Variants in IL1RAPL1 observed in about 807,000 individuals in gnomAD.
IL1RAPL1 encodes interleukin-1 receptor accessory protein-like 1.
IL1RAPL1 carries 3 observed loss-of-function variants against 48.4 expected under a neutral mutation model. The observed-to-expected ratio is 0.06, with a 90% CI of 0.03 to 0.16. The LOEUF is 0.16. IL1RAPL1 is among the 10% of genes least tolerant of loss of function. The pLI is 1.00. For missense variants in IL1RAPL1, 349 were observed against 530.6 expected (o/e 0.66, Z 3.36); for synonymous variants, 185 against 187.7 (o/e 0.99, Z 0.12).
intron 3 of IL1RAPL1, among the ~76,000 whole-genome samples, chrX:29,345,409 T>C (rs1430282573): frequency 1.8e-5 from 2 of 112,203 alleles, no homozygotes; most frequent in East Asian, 5.6e-4. Context: ...GTTTTCATAT[T>C]CTTAGTGTCT....
intron 2 of IL1RAPL1, among the ~76,000 whole-genome samples, chrX:29,243,611 C>T (rs954181597): frequency 4.5e-5 from 5 of 112,035 alleles, no homozygotes; most frequent in South Asian, 3.7e-4. Context: ...TGAATGGAAA[C>T]GAAGCTACAC....
chrX:29,900,459 C>T (rs144356584), intron 6 of IL1RAPL1, among the ~76,000 whole-genome samples: 3,831 of 111,765 alleles, frequency 0.034, 153 homozygotes, highest in African/African-American at 0.12. Context: ...TTGAATTGAA[C>T]CTTCCATTTT....
At chrX:28,830,211 G>A (rs1921011604) in intron 2 of IL1RAPL1, among the ~76,000 whole-genome samples, 1 of 111,712 alleles carries the variant, frequency 9.0e-6, no homozygotes. Flanking sequence ...TTGAAAGGTT[G>A]ATGTTAATTC....
Position 29,189,662 on chromosome X carries a change from T to C in IL1RAPL1, c.83-93276T>C, listed in dbSNP as rs937952928. Among the ~76,000 whole-genome samples the C allele has an allele frequency of 3.6e-5, 4 of 111,691 alleles. No homozygotes were observed. The South Asian group carries it at 1.5e-3, about 42-fold the overall frequency. On this transcript the variant is annotated intron_variant, in intron 2 of 10. Transcript: ENST00000378993. ...AGAGGGAAAATATTATATATTTTCC[T>C]ACCCAACTTTTTCCTAAAGCTTAGC... is the stretch of plus-strand genomic sequence containing the variant.
At chrX:29,898,738 G>A (rs1932438113) in intron 6 of IL1RAPL1, among the ~76,000 whole-genome samples, 1 of 111,732 alleles carries the variant, frequency 8.9e-6, no homozygotes, top group Non-Finnish European at 1.9e-5. Context: ...TATATAAAGT[G>A]GTCATTTTCC....
At chrX:29,361,374 A>C (rs1433340112) in intron 3 of IL1RAPL1, among the ~76,000 whole-genome samples, 4 of 111,870 alleles carry the variant, frequency 3.6e-5, no homozygotes, top group Non-Finnish European at 7.5e-5. Context: ...AACCAGAGTA[A>C]AGTTTCCTTA....
intron 2 of IL1RAPL1, among the ~76,000 whole-genome samples, chrX:29,055,472 C>T (rs1455095933): frequency 9.0e-6 from 1 of 111,581 alleles, no homozygotes; most frequent in African/African-American, 3.3e-5. Flanking sequence ...ATGTCAAATG[C>T]ACTATCAATA....
At chrX:29,411,281 A>G (rs1393426840) in intron 5 of IL1RAPL1, among the ~76,000 whole-genome samples, 4 of 112,313 alleles carry the variant, frequency 3.6e-5, no homozygotes, top group African/African-American at 1.3e-4. Context: ...GAAATTAGCT[A>G]TGCCTAAAAT....
intron 2 of IL1RAPL1, among the ~76,000 whole-genome samples, chrX:29,195,933 G>A (rs944743513): frequency 9.0e-6 from 1 of 111,179 alleles, no homozygotes; most frequent in African/African-American, 3.3e-5. Flanking sequence ...GCAGTTAGGT[G>A]GATTCCTAAA....
chrX:28,856,747 C>T (rs1283004533), intron 2 of IL1RAPL1, among the ~76,000 whole-genome samples: 1 of 111,423 alleles, frequency 9.0e-6, no homozygotes, highest in Non-Finnish European at 1.9e-5. Context: ...AGCCACTCCC[C>T]TATCTTTCTC....
At position 29,887,606 on chromosome X, in the gene IL1RAPL1, G is replaced by C. The variant is rs186824165; in HGVS notation, c.779-29858G>C. 3.6e-5 allele frequency among the ~76,000 whole-genome samples: 4 copies of C among 111,888 alleles called. No individual in the cohort carries two copies. In the East Asian group the frequency reaches 1.1e-3, roughly 31 times the overall value. On this transcript the variant is annotated intron_variant, in intron 6 of 10. Coordinates refer to ENST00000378993, the MANE Select transcript of IL1RAPL1 (RefSeq NM_014271.4). The stretch of plus-strand genomic sequence containing the variant: ...CTCTGATGAGGTGTCACAGTATTTT[G>C]ATTTAACAGACTTTGTATAACTATG...
intron 5 of IL1RAPL1, among the ~76,000 whole-genome samples, chrX:29,542,476 C>G (rs1921470648): frequency 8.9e-6 from 1 of 111,983 alleles, no homozygotes; most frequent in African/African-American, 3.2e-5. Context: ...TATACTTGGA[C>G]CAATGGGCTT....
intron 5 of IL1RAPL1, among the ~76,000 whole-genome samples, chrX:29,641,126 G>A (rs767926015): frequency 1.9e-4 from 21 of 112,328 alleles, no homozygotes; most frequent in Admixed American, 1.8e-3. Context: ...AGTCACGATC[G>A]CGCCACTGCG....
Position 29,213,635 on chromosome X carries a change from G to C in IL1RAPL1, c.83-69303G>C, listed in dbSNP as rs1417241548. ...CTGCAGTCAATTCACTTGAGCCACAGATGCTTCCCACATACATGTCTGTGC... is the reference window on the plus strand; with the variant it reads ...CTGCAGTCAATTCACTTGAGCCACACATGCTTCCCACATACATGTCTGTGC... On this transcript the variant is annotated intron_variant, in intron 2 of 10. Coordinates refer to ENST00000378993, the MANE Select transcript of IL1RAPL1 (RefSeq NM_014271.4). Among the ~76,000 whole-genome samples the C allele has an allele frequency of 2.7e-5, 3 of 112,731 alleles. No homozygotes were observed. In the East Asian group the frequency reaches 8.4e-4, roughly 31 times the overall value.
chrX:29,540,618 A>G (rs765977832), intron 5 of IL1RAPL1, among the ~76,000 whole-genome samples: 2 of 111,496 alleles, frequency 1.8e-5, no homozygotes, highest in Non-Finnish European at 3.8e-5. Flanking sequence ...GGACCCTGAA[A>G]TAAAGCCGCA....
chrX:29,077,297 G>C (rs773255303), intron 2 of IL1RAPL1, among the ~76,000 whole-genome samples: 1 of 111,530 alleles, frequency 9.0e-6, no homozygotes, highest in South Asian at 3.8e-4. Flanking sequence ...AGTCCTGTGA[G>C]AAATAATAAG....
intron 3 of IL1RAPL1, among the ~76,000 whole-genome samples, chrX:29,291,577 C>T (rs1250958592): frequency 2.7e-5 from 3 of 109,237 alleles, no homozygotes; most frequent in African/African-American, 1.0e-4. Flanking sequence ...CCCGACAGAC[C>T]CCGGTATGTG....
chrX:28,743,646 A>C (rs1219630586), intron 1 of IL1RAPL1, among the ~76,000 whole-genome samples: 2 of 111,303 alleles, frequency 1.8e-5, no homozygotes, highest in Non-Finnish European at 3.8e-5. Context: ...TAAGTATGAA[A>C]ATACAAACTC....
rs1046887138 is a variant in IL1RAPL1 at position 28,837,882 on chromosome X, A to G, written c.82+48457A>G. Among the ~76,000 whole-genome samples the G allele has an allele frequency of 4.7e-5, 5 of 107,512 alleles. No homozygotes were observed. In the Admixed American group the frequency reaches 5.0e-4, roughly 11 times the overall value. The allele number at this position is 107,512 out of a possible 115,157, so 93.4% of individuals were successfully genotyped here. On this transcript the variant is annotated intron_variant, in intron 2 of 10. Transcript: ENST00000378993. ...CAAGCCCCATCTCTTACCCCTTGCA[A>G]ACTCTGCCATTGTTTTCATCCCAGT... is the stretch of plus-strand genomic sequence containing the variant.
Sources: allele counts gnomAD v4.1 joint callset (sites outside exome capture counted in the v4.1 genomes callset), GRCh38; gene constraint gnomAD v4.1.1; transcripts MANE v1.5; gene names NCBI Gene and HGNC (gene_info 2026-07-23, HGNC 2026-07-21).